Variants in FUT1 observed in about 807,000 individuals in gnomAD.
The protein encoded by FUT1 is galactoside alpha-(1,2)-fucosyltransferase 1.
For synonymous variants in FUT1, 215 were observed against 208.7 expected (o/e 1.03, Z -0.26); for missense variants, 476 against 492.7 (o/e 0.97, Z 0.32).
chr19:48,751,105 AC>A lies in FUT1; in HGVS notation c.176del (p.Gly59ValfsTer99). On this transcript the variant is annotated frameshift_variant, in exon 2 of 2. Transcript: ENST00000645652. LOFTEE classifies it low-confidence loss of function (END_TRUNC). ...TPPVAIFCLPGTAMGPNASSS... is the reference protein window; with the variant it reads ...TPPVAIFCLPXTAMGPNASSS... ...AGGAGGCGTTGGGGCCCATCGCAGTACCCGGCAGGCAGAAGATGGCCACTGG... is the reference window on the plus strand; with the variant it reads ...AGGAGGCGTTGGGGCCCATCGCAGTACCGGCAGGCAGAAGATGGCCACTGG... 1.2e-6 allele frequency: 2 copies of A among 1,613,108 alleles called. No individual in the cohort carries two copies. The highest frequency in any genetic ancestry group is 1.7e-6 in the Non-Finnish European group (2 of 1,179,280).
chr19:48,754,811 C>A (rs144066896), upstream of FUT1, among the ~76,000 whole-genome samples: 36 of 152,280 alleles, frequency 2.4e-4, no homozygotes, highest in African/African-American at 3.4e-4. Context: ...CAAGATACAT[C>A]AATGTCAAAG....
Position 48,752,528 on chromosome 19 carries a change from T to C in FUT1, c.-41A>G, listed in dbSNP as rs1246558925. 3 of 985,324 alleles carry C rather than the reference T, an allele frequency of 3.0e-6. No homozygotes were observed. The highest frequency in any genetic ancestry group is 3.6e-6 in the Non-Finnish European group (3 of 829,936). The allele number at this position is 985,324 out of a possible 1,614,324, so 61.0% of individuals were successfully genotyped here. ...AGGTGGCAGATCCACAGTCCGCTTT[T>C]CGTGGCCGGAGCGCACCCTCCGCAA... On this transcript the variant is annotated 5_prime_UTR_variant, in exon 1 of 2. Transcript: ENST00000645652. The surrounding 1 kb of genome is among the most constrained non-coding windows in gnomAD (Gnocchi z 4.3).
chr19:48,754,297 A>G (rs1020025037), upstream of FUT1, among the ~76,000 whole-genome samples: 4 of 152,282 alleles, frequency 2.6e-5, no homozygotes, highest in Admixed American at 2.0e-4. Flanking sequence ...GAGCGTGACC[A>G]TTGAAGCACA....
In FUT1 at chr19:48,752,037, C is replaced by G. The variant is rs529619330; in HGVS notation, c.-3+453G>C. Among the ~76,000 whole-genome samples, 579 of 151,002 alleles carry G rather than the reference C, an allele frequency of 3.8e-3. 1 individual carries two copies. The highest frequency in any genetic ancestry group is 6.7e-3 in the Non-Finnish European group (458 of 67,862). Reference sequence around the variant, plus strand: ...CCGGATGCTAAGGCGGGAGGATCCCCGGAGCTCACAATGAGCCGCGATAGC... The same window carrying G: ...CCGGATGCTAAGGCGGGAGGATCCCGGGAGCTCACAATGAGCCGCGATAGC... On this transcript the variant is annotated intron_variant, in intron 1 of 1. Transcript: ENST00000645652. This position sits in a 1 kb window ranked among gnomAD's most constrained non-coding sequence, Gnocchi z 4.3.
Position 48,750,334 on chromosome 19 carries a change from G to C in FUT1, c.948C>G (p.Tyr316Ter), listed in dbSNP as rs104894686. The C allele has an allele frequency of 1.5e-5, 24 of 1,614,116 alleles. No homozygotes were observed. Among genetic ancestry groups the C allele is most frequent in the African/African-American group, 2.7e-5 (2 of 74,952 alleles). The stretch of plus-strand genomic sequence containing the variant: ...GGTAGACAGTGTCTCCGCCAGCCAG[G>C]TAGGCAGCCCAGAAGCCGAAGGTGC... ...TIGTFGFWAA[Y>*]LAGGDTVYLA... is the part of the protein sequence containing the mutation. The change falls in exon 2 of 2, where the codon TAC (tyrosine) becomes TAG (stop). Residue 316 changes from tyrosine to a stop codon, truncating the protein, a stop_gained. Coordinates refer to ENST00000645652, the MANE Select transcript of FUT1 (RefSeq NM_001384359.1). LOFTEE classifies it high-confidence loss of function.
rs913843614 is a variant in FUT1 at position 48,752,472 on chromosome 19, G to A, written c.-3+18C>T. The A allele has an allele frequency of 7.1e-6, 7 of 985,176 alleles. No homozygotes were observed. The African/African-American group carries it at 1.0e-4, about 15-fold the overall frequency. 61.0% of individuals were successfully genotyped at this position (985,176 alleles called of 1,614,324 possible). A position where few individuals can be genotyped will look rare whatever the true frequency, so the allele number is the denominator to read the frequency against. On this transcript the variant is annotated intron_variant, in intron 1 of 1. Coordinates refer to ENST00000645652, the MANE Select transcript of FUT1 (RefSeq NM_001384359.1). This position sits in a 1 kb window ranked among gnomAD's most constrained non-coding sequence, Gnocchi z 4.3. ...TCCTGGGTCCCAGGAACAACTGAGT[G>A]GGGCAGTCCCCACTTACCCGAGCTG...
chr19:48,753,226 C>T (rs2034032700), upstream of FUT1: 1 of 152,298 alleles, frequency 6.6e-6, no homozygotes, highest in African/African-American at 2.4e-5. Flanking sequence ...CTCCCACACC[C>T]CCCGCCTCAC....
rs2034020190 is a variant in FUT1 at position 48,752,513 on chromosome 19, T to G, written c.-26A>C. 1 of 985,274 alleles carries G rather than the reference T, an allele frequency of 1.0e-6. No individual in the cohort carries two copies. Among genetic ancestry groups the G allele is most frequent in the African/African-American group, 1.7e-5 (1 of 57,198 alleles). The allele number at this position is 985,274 out of a possible 1,614,324, so 61.0% of individuals were successfully genotyped here. ...ACCCGAGCTGCTTGCAGGTGGCAGATCCACAGTCCGCTTTTCGTGGCCGGA... is the reference window on the plus strand; with the variant it reads ...ACCCGAGCTGCTTGCAGGTGGCAGAGCCACAGTCCGCTTTTCGTGGCCGGA... On this transcript the variant is annotated 5_prime_UTR_variant, in exon 1 of 2. Coordinates refer to ENST00000645652, the MANE Select transcript of FUT1 (RefSeq NM_001384359.1). The surrounding 1 kb of genome is among the most constrained non-coding windows in gnomAD (Gnocchi z 4.3).
chr19:48,751,382 C>G, intron 1 of FUT1, 99 bp from the exon 2 acceptor site: 1 of 1,237,996 alleles, frequency 8.1e-7, no homozygotes, highest in Non-Finnish European at 1.2e-6. Flanking sequence ...GTGCAGCACT[C>G]CTTAGTCCCA....
rs2034019349 is a variant in FUT1 at position 48,752,460 on chromosome 19, G to A, written c.-3+30C>T. 2.0e-6 allele frequency: 2 copies of A among 985,014 alleles called. No homozygotes were observed. Among genetic ancestry groups the A allele is most frequent in the South Asian group, 4.7e-5 (1 of 21,284 alleles). 61.0% of individuals were successfully genotyped at this position (985,014 alleles called of 1,614,324 possible). The stretch of plus-strand genomic sequence containing the variant: ...TGAAGGAGTTGTTCCTGGGTCCCAG[G>A]AACAACTGAGTGGGGCAGTCCCCAC... On this transcript the variant is annotated intron_variant, in intron 1 of 1. Transcript: ENST00000645652. This position sits in a 1 kb window ranked among gnomAD's most constrained non-coding sequence, Gnocchi z 4.3.
chr19:48,751,304 A>G lies in FUT1; in HGVS notation c.-2-21T>C, dbSNP rs1201741923. 4 of 1,613,166 alleles carry G rather than the reference A, an allele frequency of 2.5e-6. No individual in the cohort carries two copies. In the Admixed American group the frequency reaches 5.0e-5, roughly 20 times the overall value. ...CATGGCTGCAGGGGAGGAAAGGCGA[A>G]TTAGCAAATGCTCTGAGGCTGAGGA... On this transcript the variant is annotated intron_variant, in intron 1 of 1. Transcript: ENST00000645652.
Position 48,750,508 on chromosome 19 carries a change from G to A in FUT1, c.774C>T (p.Phe258=). 2 of 1,613,948 alleles carry A rather than the reference G, an allele frequency of 1.2e-6. No individual in the cohort carries two copies. The highest frequency in any genetic ancestry group is 1.7e-6 in the Non-Finnish European group (2 of 1,180,038). ...WFRARHEAPV[F]VVTSNGMEWC... Reference sequence around the variant, plus strand: ...ACTCCATGCCGTTGCTGGTGACCACGAAAACGGGGGCTTCGTGCCGTGCCC... The same window carrying A: ...ACTCCATGCCGTTGCTGGTGACCACAAAAACGGGGGCTTCGTGCCGTGCCC... Residue 258 remains phenylalanine, a synonymous_variant, in exon 2 of 2, where the codon TTC becomes TTT. Coordinates refer to ENST00000645652, the MANE Select transcript of FUT1 (RefSeq NM_001384359.1).
At chr19:48,752,747 G>A (rs751533652), upstream of FUT1, 26 of 985,338 alleles carry the variant, frequency 2.6e-5, no homozygotes, top group East Asian at 1.1e-4. The surrounding 1 kb of genome is among the most constrained non-coding windows in gnomAD (Gnocchi z 4.3). Flanking sequence ...AGCCCCGCCC[G>A]TCACTTGGCG....
rs1358165719 is a variant in FUT1, at chr19:48,751,149, G to A, written c.133C>T (p.Arg45Cys). ...GLGLSILCPD[R>C]RLVTPPVAIF... Reference sequence around the variant, plus strand: ...GCCACTGGGGGTGTCACCAGGCGGCGGTCTGGACACAGGATCGACAGGCCT... The same window carrying A: ...GCCACTGGGGGTGTCACCAGGCGGCAGTCTGGACACAGGATCGACAGGCCT... The change falls in exon 2 of 2, where the codon CGC (arginine) becomes TGC (cysteine). Residue 45 changes from arginine to cysteine, a missense_variant. Coordinates refer to ENST00000645652, the MANE Select transcript of FUT1 (RefSeq NM_001384359.1). The A allele has an allele frequency of 5.6e-6, 9 of 1,613,986 alleles. No homozygotes were observed. In the South Asian group the frequency reaches 7.7e-5, roughly 14 times the overall value.
In FUT1 at chr19:48,750,051, T is replaced by C. The variant is rs973072389; in HGVS notation, c.*133A>G. On this transcript the variant is annotated 3_prime_UTR_variant, in exon 2 of 2. Coordinates refer to ENST00000645652, the MANE Select transcript of FUT1 (RefSeq NM_001384359.1). ...CCCCCTTCTCTCCAACTCTCCCAAC[T>C]AGAATCACTCTGGATACGGGCACCC... 5.4e-5 allele frequency: 58 copies of C among 1,066,472 alleles called. 2 individuals carry two copies. In the Admixed American group the frequency reaches 1.2e-3, roughly 22 times the overall value. 66.1% of individuals were successfully genotyped at this position (1,066,472 alleles called of 1,614,324 possible). A position where few individuals can be genotyped will look rare whatever the true frequency, so the allele number is the denominator to read the frequency against.
rs150453456 is a variant in FUT1, at chr19:48,749,614, C to CA, written c.*569dup. Reference sequence around the variant, plus strand: ...GGGCAACAGAGCGAGACCCTGTCTCCAAAAAAAAAAAAAAAAAACTAAAAA... The same window carrying CA: ...GGGCAACAGAGCGAGACCCTGTCTCCAAAAAAAAAAAAAAAAAAACTAAAAA... On this transcript the variant is annotated 3_prime_UTR_variant, in exon 2 of 2. Transcript: ENST00000645652. 1,872 of 105,280 alleles carry CA rather than the reference C, an allele frequency of 0.018. 17 individuals are homozygous for CA. The highest frequency in any genetic ancestry group is 0.038 in the African/African-American group (1,192 of 31,692). The allele number at this position is 105,280 out of a possible 1,614,324, so 6.5% of individuals were successfully genotyped here.
Position 48,752,578 on chromosome 19 carries a change from T to C in FUT1, c.-91A>G. The C allele has an allele frequency of 1.0e-6, 1 of 985,416 alleles. No homozygotes were observed. The highest frequency in any genetic ancestry group is 1.2e-6 in the Non-Finnish European group (1 of 829,906). 61.0% of individuals were successfully genotyped at this position (985,416 alleles called of 1,614,324 possible). On this transcript the variant is annotated 5_prime_UTR_variant, in exon 1 of 2. Coordinates refer to ENST00000645652, the MANE Select transcript of FUT1 (RefSeq NM_001384359.1). The surrounding 1 kb of genome is among the most constrained non-coding windows in gnomAD (Gnocchi z 4.3). The stretch of plus-strand genomic sequence containing the variant: ...AAGGCAGGCCACATCCGGCCGCCCC[T>C]GGAACGCCAGGCGTCCGGCTATCCG...
chr19:48,750,517 G>A lies in FUT1; in HGVS notation c.765C>T (p.Ala255=), dbSNP rs1380412472. 31 of 1,613,704 alleles carry A rather than the reference G, an allele frequency of 1.9e-5. No individual in the cohort carries two copies. Among genetic ancestry groups the A allele is most frequent in the Non-Finnish European group, 2.4e-5 (28 of 1,180,050 alleles). The part of the protein sequence containing the change: ...AMDWFRARHE[A]PVFVVTSNGM... ...CGTTGCTGGTGACCACGAAAACGGG[G>A]GCTTCGTGCCGTGCCCGGAACCAGT... is the stretch of plus-strand genomic sequence containing the variant. Residue 255 remains alanine, a synonymous_variant, in exon 2 of 2, where the codon GCC becomes GCT. Coordinates refer to ENST00000645652, the MANE Select transcript of FUT1 (RefSeq NM_001384359.1).
At chr19:48,751,879 G>T (rs1305590021) in intron 1 of FUT1, among the ~76,000 whole-genome samples, 1 of 152,164 alleles carries the variant, frequency 6.6e-6, no homozygotes, top group East Asian at 1.9e-4. Flanking sequence ...TGAACCCGGG[G>T]GGCGGGAGTT....
Sources: allele counts gnomAD v4.1 joint callset (sites outside exome capture counted in the v4.1 genomes callset), GRCh38; gene constraint gnomAD v4.1.1; non-coding constraint Gnocchi (gnomAD v3.1); transcripts MANE v1.5; gene names NCBI Gene and HGNC (gene_info 2026-07-23, HGNC 2026-07-21).